SEMA3A: variants seen among roughly 807,000 people sequenced by gnomAD.
SEMA3A encodes semaphorin-3A.
Under a neutral mutation model 97.9 loss-of-function variants are expected in SEMA3A, and 29 were observed. That is an observed-to-expected ratio of 0.30 (90% CI 0.22 to 0.40). The LOEUF (loss-of-function observed/expected upper bound fraction) is 0.40, where lower values mean the gene tolerates loss of function less well. Among genes scored for constraint, SEMA3A ranks in the 10% least tolerant of loss-of-function variants. The pLI, the probability that SEMA3A is intolerant of heterozygous loss-of-function variation, is 1.00. For missense variants in SEMA3A, 763 were observed against 951.3 expected, an observed-to-expected ratio of 0.80 and a Z score of 2.60; for synonymous variants, 321 against 323.7, an observed-to-expected ratio of 0.99 and a Z score of 0.09.
intron 1 of SEMA3A, among the ~76,000 whole-genome samples, chr7:84,375,853 C>T (rs935090892): frequency 1.3e-5 from 2 of 152,122 alleles, no homozygotes; most frequent in Non-Finnish European, 2.9e-5. Context: ...ATCTGCTCTA[C>T]ACTTCCCAGC....
intron 1 of SEMA3A, among the ~76,000 whole-genome samples, chr7:84,377,410 G>A (rs1156860360): frequency 6.6e-6 from 1 of 152,098 alleles, no homozygotes; most frequent in East Asian, 1.9e-4. Flanking sequence ...TCAGTTGGCT[G>A]TAAATATATG....
chr7:84,487,880 T>C (rs533054322), intron 1 of SEMA3A, among the ~76,000 whole-genome samples: 1 of 152,090 alleles, frequency 6.6e-6, no homozygotes, highest in Middle Eastern at 3.4e-3. Flanking sequence ...AAAGGAAAAA[T>C]GAGAATTAAA....
intron 1 of SEMA3A, among the ~76,000 whole-genome samples, chr7:84,163,931 C>T (rs561710298): frequency 1.8e-4 from 27 of 151,848 alleles, no homozygotes; most frequent in Admixed American, 1.1e-3. Context: ...CCGCAACCTC[C>T]GCCTCCTGGG....
chr7:84,143,765 T>C (rs1796368942), intron 1 of SEMA3A, among the ~76,000 whole-genome samples: 1 of 151,060 alleles, frequency 6.6e-6, no homozygotes, highest in Non-Finnish European at 1.5e-5. Flanking sequence ...AATTCAAGTT[T>C]GCTGTGAGCT....
At chr7:84,004,124 A>C (rs563074937) in intron 11 of SEMA3A, among the ~76,000 whole-genome samples, 1 of 152,118 alleles carries the variant, frequency 6.6e-6, no homozygotes, top group African/African-American at 2.4e-5. Context: ...TGGAGCACTC[A>C]CTCTGTTTCC....
intron 1 of SEMA3A, among the ~76,000 whole-genome samples, chr7:84,431,732 G>A (rs1350382377): frequency 6.6e-6 from 1 of 151,858 alleles, no homozygotes; most frequent in East Asian, 1.9e-4. Flanking sequence ...TAACAAAAGG[G>A]TGAGTTGTGA....
At chr7:84,258,288 C>T (rs1175203672) in intron 3 of SEMA3A, among the ~76,000 whole-genome samples, 1 of 152,076 alleles carries the variant, frequency 6.6e-6, no homozygotes, top group African/African-American at 2.4e-5. Context: ...GCTGCTATTG[C>T]TTAGTTTGTA....
At chr7:84,325,540 T>G (rs1331687014) in intron 2 of SEMA3A, among the ~76,000 whole-genome samples, 5 of 151,862 alleles carry the variant, frequency 3.3e-5, no homozygotes, top group African/African-American at 1.2e-4. Context: ...GCCATGTGGC[T>G]GCAGTGGTCC....
At chr7:84,459,988 C>T (rs1042292422) in intron 1 of SEMA3A, among the ~76,000 whole-genome samples, 18 of 152,180 alleles carry the variant, frequency 1.2e-4, no homozygotes, top group African/African-American at 4.3e-4. Flanking sequence ...GATAGCATCA[C>T]TGCATTGCAG....
intron 3 of SEMA3A, among the ~76,000 whole-genome samples, chr7:84,121,130 C>T (rs1167784059): frequency 6.6e-6 from 1 of 152,076 alleles, no homozygotes; most frequent in African/African-American, 2.4e-5. Context: ...TTTCCCAAGA[C>T]CATTTGCAAA....
At chr7:84,223,839 C>T (rs1018255452) in intron 3 of SEMA3A, among the ~76,000 whole-genome samples, 1 of 151,708 alleles carries the variant, frequency 6.6e-6, no homozygotes. Flanking sequence ...AACCCAGTTG[C>T]AGAGTTCACC....
intron 1 of SEMA3A, among the ~76,000 whole-genome samples, chr7:84,487,420 G>A (rs980526254): frequency 6.6e-6 from 1 of 152,072 alleles, no homozygotes; most frequent in Non-Finnish European, 1.5e-5. Context: ...GCAATGTCTA[G>A]GTCTGCAGTG....
intron 2 of SEMA3A, among the ~76,000 whole-genome samples, chr7:84,328,106 T>C (rs996317951): frequency 1.3e-5 from 2 of 152,130 alleles, no homozygotes; most frequent in African/African-American, 4.8e-5. Context: ...ATATAATTTC[T>C]TTTGTACAAA....
chr7:84,017,526 A>G (rs2116430146), intron 6 of SEMA3A, among the ~76,000 whole-genome samples: 1 of 152,358 alleles, frequency 6.6e-6, no homozygotes, highest in East Asian at 1.9e-4. Context: ...ACTTGTGTTC[A>G]AGAAATTTAG....
chr7:84,344,899 G>T (rs1421879715), intron 2 of SEMA3A, among the ~76,000 whole-genome samples: 1 of 151,938 alleles, frequency 6.6e-6, no homozygotes, highest in Non-Finnish European at 1.5e-5. Flanking sequence ...ATAAGGCAAG[G>T]CACACACTGA....
chr7:84,284,782 A>T (rs1800538192), intron 3 of SEMA3A, among the ~76,000 whole-genome samples: 1 of 152,116 alleles, frequency 6.6e-6, no homozygotes, highest in Non-Finnish European at 1.5e-5. Context: ...CCCATTTTCT[A>T]GATTATGTTC....
At chr7:83,965,645 TATATATATATATATATATATA>T (rs1177529043) in intron 15 of SEMA3A, among the ~76,000 whole-genome samples, 30 of 10,014 alleles carry the variant, frequency 3.0e-3, no homozygotes, top group African/African-American at 0.01. Flanking sequence ...TATATATATA[TATATATATATATATATATATA>T]TTTTTTTTTT....
chr7:84,425,070 A>C (rs1185780414), intron 1 of SEMA3A, among the ~76,000 whole-genome samples: 2 of 106,356 alleles, frequency 1.9e-5, no homozygotes, highest in African/African-American at 7.8e-5. Context: ...ATAATTTATA[A>C]ATATAATTTA....
At chr7:84,031,659 C>A (rs1482102929) in intron 6 of SEMA3A, among the ~76,000 whole-genome samples, 2 of 151,734 alleles carry the variant, frequency 1.3e-5, no homozygotes, top group Non-Finnish European at 2.9e-5. Context: ...CATGGAGAAA[C>A]CCCGTCTCTA....
Sources: gnomAD v4.1 joint callset for allele counts (sites outside exome capture counted in the v4.1 genomes callset) on GRCh38, gnomAD v4.1.1 for gene constraint, MANE v1.5 for transcripts, NCBI Gene and HGNC (gene_info 2026-07-23, HGNC 2026-07-21) for gene names.